TNPO1: variants seen among roughly 807,000 people sequenced by gnomAD.
The protein encoded by TNPO1 is transportin-1.
TNPO1 carries 8 observed loss-of-function variants against 119.5 expected under a neutral mutation model. The ratio of observed to expected loss-of-function variants is 0.07; its 90% CI spans 0.04 to 0.12. TNPO1 has a LOEUF of 0.12. Among genes scored for constraint, TNPO1 ranks in the 10% least tolerant of loss-of-function variants. The pLI, the probability that TNPO1 is intolerant of heterozygous loss-of-function variation, is 1.00. For missense variants in TNPO1, 576 were observed against 1,089.8 expected, an observed-to-expected ratio of 0.53 and a Z score of 6.64; for synonymous variants, 362 against 363.0, an observed-to-expected ratio of 1.00 and a Z score of 0.03.
intron 1 of TNPO1, among the ~76,000 whole-genome samples, chr5:72,846,918 G>T (rs1326599103): frequency 2.0e-5 from 3 of 152,054 alleles, no homozygotes; most frequent in Non-Finnish European, 2.9e-5. Context: ...ACGAAGTCAG[G>T]CAAGAAACAG....
intron 24 of TNPO1, among the ~76,000 whole-genome samples, chr5:72,907,845 A>T (rs972866876): frequency 6.6e-6 from 1 of 151,568 alleles, no homozygotes; most frequent in Non-Finnish European, 1.5e-5. Context: ...GGAGTTTGAG[A>T]CCTGCCTGGG....
chr5:72,874,450 C>T (rs1747622827), intron 7 of TNPO1, among the ~76,000 whole-genome samples: 1 of 152,076 alleles, frequency 6.6e-6, no homozygotes, highest in African/African-American at 2.4e-5. Flanking sequence ...CATTGGGTAT[C>T]CCCACCCCCA....
At chr5:72,896,168 A>G (rs1749415569) in intron 18 of TNPO1, among the ~76,000 whole-genome samples, 2 of 152,174 alleles carry the variant, frequency 1.3e-5, no homozygotes, top group South Asian at 4.1e-4. Flanking sequence ...TGGTATGTAA[A>G]ATATACCCAA....
chr5:72,883,176 A>C lies in TNPO1; in HGVS notation c.1094A>C (p.Glu365Ala). The C allele has an allele frequency of 6.2e-7, 1 of 1,604,648 alleles. No homozygotes were observed. The highest frequency in any genetic ancestry group is 8.5e-7 in the Non-Finnish European group (1 of 1,171,378). Residue 365 changes from glutamate to alanine, a missense_variant, in exon 11 of 25, where the codon GAA (glutamate) becomes GCA (alanine). By Grantham distance (107) the Glu-to-Ala change is moderately radical. Coordinates refer to ENST00000337273, the MANE Select transcript of TNPO1 (RefSeq NM_002270.4). Reference protein sequence around the residue: ...QQHDEDGIEEEDDDDDEIDDD... With the variant: ...QQHDEDGIEEADDDDDEIDDD... ...CATGATGAAGATGGAATTGAAGAGGAAGATGATGATGATGATGAAATTGAT... is the reference window on the plus strand; with the variant it reads ...CATGATGAAGATGGAATTGAAGAGGCAGATGATGATGATGATGAAATTGAT...
chr5:72,899,463 AT>A (rs1299696066), intron 20 of TNPO1, among the ~76,000 whole-genome samples: 1 of 148,074 alleles, frequency 6.8e-6, no homozygotes, highest in Non-Finnish European at 1.5e-5. Flanking sequence ...CAAAGAAAAA[AT>A]TTTTGAAACT....
intron 1 of TNPO1, among the ~76,000 whole-genome samples, chr5:72,838,851 A>G (rs1251750416): frequency 6.6e-6 from 1 of 152,186 alleles, no homozygotes; most frequent in Non-Finnish European, 1.5e-5. Context: ...TAGCTGAGCA[A>G]TTTTTGGCAA....
intron 4 of TNPO1, among the ~76,000 whole-genome samples, chr5:72,856,803 C>G (rs1045700097): frequency 6.6e-6 from 1 of 152,034 alleles, no homozygotes. Context: ...TATAGTAACT[C>G]GTATAAATCT....
chr5:72,869,421 C>T (rs576201220), intron 6 of TNPO1, among the ~76,000 whole-genome samples: 3 of 152,136 alleles, frequency 2.0e-5, no homozygotes, highest in Non-Finnish European at 2.9e-5. Flanking sequence ...GTGGCATGCA[C>T]CTGTAATCCC....
intron 1 of TNPO1, among the ~76,000 whole-genome samples, chr5:72,818,061 T>G (rs1743780404): frequency 6.6e-6 from 1 of 152,266 alleles, no homozygotes; most frequent in Non-Finnish European, 1.5e-5. Context: ...TCTCTAGCTA[T>G]GCAGTGCATA....
intron 5 of TNPO1, among the ~76,000 whole-genome samples, chr5:72,863,854 G>A (rs1226934434): frequency 1.3e-5 from 2 of 152,104 alleles, no homozygotes; most frequent in African/African-American, 4.8e-5. Flanking sequence ...GCTTTGGTGT[G>A]ATGGTAATAA....
At chr5:72,893,755 C>T (rs1472227070) in intron 18 of TNPO1, 52 bp downstream of exon 18, 3 of 1,488,968 alleles carry the variant, frequency 2.0e-6, no homozygotes, top group African/African-American at 1.4e-5. Context: ...TTAACATTTA[C>T]ATCAGCTTTG....
chr5:72,873,125 C>G (rs935463946), intron 7 of TNPO1, among the ~76,000 whole-genome samples: 2 of 152,038 alleles, frequency 1.3e-5, no homozygotes, highest in Non-Finnish European at 2.9e-5. Flanking sequence ...AAGGCACAGA[C>G]TACAAGGACA....
intron 11 of TNPO1, among the ~76,000 whole-genome samples, chr5:72,884,117 A>G (rs905420989): frequency 1.3e-5 from 2 of 152,168 alleles, no homozygotes; most frequent in East Asian, 1.9e-4. Context: ...TGGTAACTGT[A>G]TGTTTAACCT....
chr5:72,849,977 T>C (rs1444883375), intron 2 of TNPO1, among the ~76,000 whole-genome samples: 2 of 152,184 alleles, frequency 1.3e-5, no homozygotes, highest in Admixed American at 6.5e-5. Flanking sequence ...CATAAATGCT[T>C]AGTACCGTGC....
chr5:72,873,409 T>C (rs915397731), intron 7 of TNPO1, among the ~76,000 whole-genome samples: 3 of 152,120 alleles, frequency 2.0e-5, no homozygotes, highest in African/African-American at 7.2e-5. Flanking sequence ...TGGGAAATTA[T>C]AAGGAAGAGT....
chr5:72,866,943 G>A (rs928410708), intron 6 of TNPO1, among the ~76,000 whole-genome samples: 1 of 152,094 alleles, frequency 6.6e-6, no homozygotes, highest in African/African-American at 2.4e-5. Flanking sequence ...GGGAGGCTGA[G>A]GCAGGAGGAT....
chr5:72,887,545 C>T (rs1186277470), intron 12 of TNPO1, among the ~76,000 whole-genome samples: 3 of 152,054 alleles, frequency 2.0e-5, no homozygotes, highest in East Asian at 1.9e-4. Flanking sequence ...ATTAGCTGGG[C>T]GTGGTGGCAT....
At chr5:72,848,577 C>T in intron 2 of TNPO1, 79 bp downstream of exon 2, 1 of 780,406 alleles carries the variant, frequency 1.3e-6, no homozygotes, top group Non-Finnish European at 1.8e-6. Flanking sequence ...CGGGGGCTCC[C>T]GTCGCCTCCG....
intron 1 of TNPO1, among the ~76,000 whole-genome samples, chr5:72,841,110 ACTCT>A (rs200571095): frequency 8.7e-5 from 12 of 138,128 alleles, no homozygotes; most frequent in African/African-American, 3.2e-4. Context: ...CTGGTTTTAG[ACTCT>A]CTCTCTTTTT....
Sources: gnomAD v4.1 joint callset for allele counts (sites outside exome capture counted in the v4.1 genomes callset) on GRCh38, gnomAD v4.1.1 for gene constraint, MANE v1.5 for transcripts, NCBI Gene and HGNC (gene_info 2026-07-23, HGNC 2026-07-21) for gene names.